PODN: variants seen among roughly 807,000 people sequenced by gnomAD.
The protein encoded by PODN is podocan proteoglycan.
In PODN, 40 loss-of-function variants were observed where a neutral mutation model predicts 52.7. That is an observed-to-expected ratio of 0.76 (90% CI 0.59 to 0.99). PODN has a LOEUF of 0.99. Ranked by LOEUF, PODN falls within the 50% of genes least tolerant of loss-of-function variation. The pLI is 0.00. For missense variants in PODN, 720 were observed against 815.1 expected (o/e 0.88, Z 1.42); for synonymous variants, 396 against 377.9 (o/e 1.05, Z -0.56).
At chr1:53,062,423 C>A in intron 1 of PODN, 115 bp downstream of exon 1, 1 of 729,142 alleles carries the variant, frequency 1.4e-6, no homozygotes, top group Non-Finnish European at 1.9e-6. Context: ...GGCGGGCCCG[C>A]CGCATCTCAC....
At chr1:53,069,438 A>G (rs2150294328) in intron 1 of PODN, among the ~76,000 whole-genome samples, 1 of 152,324 alleles carries the variant, frequency 6.6e-6, no homozygotes, top group African/African-American at 2.4e-5. Context: ...CTGGCTCACC[A>G]TGGCCTGTGG....
chr1:53,081,873 C>T (rs1451510758), intron 9 of PODN, 108 bp from the exon 10 acceptor site: 8 of 1,472,696 alleles, frequency 5.4e-6, no homozygotes, highest in East Asian at 4.7e-5. Context: ...CACCACTTTC[C>T]GGGAGGGCCA....
At chr1:53,075,577 A>G (rs1434720018) in intron 4 of PODN, among the ~76,000 whole-genome samples, 1 of 152,180 alleles carries the variant, frequency 6.6e-6, no homozygotes, top group African/African-American at 2.4e-5. Context: ...CAGGTGTAAA[A>G]GCCACACCCA....
intron 5 of PODN, 150 bp downstream of exon 5, chr1:53,076,121 G>T: frequency 1.5e-6 from 1 of 681,556 alleles, no homozygotes; most frequent in Non-Finnish European, 2.6e-6. Context: ...CCTAACAGAG[G>T]AGGACAACTC....
At chr1:53,065,653 A>G (rs1168714248) in intron 1 of PODN, among the ~76,000 whole-genome samples, 1 of 152,168 alleles carries the variant, frequency 6.6e-6, no homozygotes. Flanking sequence ...CCTGCCTTTC[A>G]GTGGTCCTCG....
At chr1:53,071,308 T>C in intron 2 of PODN, 1 of 467,908 alleles carries the variant, frequency 2.1e-6, no homozygotes, top group Non-Finnish European at 3.8e-6. Flanking sequence ...GTGGGCTCCC[T>C]GAAGGCAGGA....
intron 1 of PODN, among the ~76,000 whole-genome samples, chr1:53,067,733 TAGAG>T (rs1644053214): frequency 1.3e-5 from 2 of 151,890 alleles, no homozygotes; most frequent in Admixed American, 6.6e-5. Flanking sequence ...CCGGGCAACA[TAGAG>T]AGACCCCATC....
At chr1:53,068,870 C>T (rs1039781757) in intron 1 of PODN, among the ~76,000 whole-genome samples, 15 of 152,298 alleles carry the variant, frequency 9.8e-5, no homozygotes, top group Non-Finnish European at 1.9e-4. Flanking sequence ...GTACCCCATC[C>T]TTGCTGGACC....
chr1:53,078,487 C>G lies in PODN; in HGVS notation c.977C>G (p.Ala326Gly), dbSNP rs760511438. 6.2e-7 allele frequency: 1 copy of G among 1,613,258 alleles called. No homozygotes were observed. Among genetic ancestry groups the G allele is most frequent in the African/African-American group, 1.3e-5 (1 of 74,948 alleles). ...AAGAACGCCATCCGGAGCGTGGACG[C>G]GAATGTGCTGACCCCCATCCGCAGC... is the stretch of plus-strand genomic sequence containing the variant. ...LEKNAIRSVD[A>G]NVLTPIRSLE... The change falls in exon 8 of 11, where the codon GCG becomes GGG. Residue 326 changes from alanine (A) to glycine (G), a missense_variant. Transcript: ENST00000312553.
chr1:53,071,271 G>T, intron 2 of PODN: 1 of 370,738 alleles, frequency 2.7e-6, no homozygotes, highest in Non-Finnish European at 4.8e-6. Context: ...AGCATGTCGA[G>T]TTTGAACTGC....
chr1:53,074,490 G>A, intron 3 of PODN, 116 bp from the exon 4 acceptor site: 2 of 1,186,242 alleles, frequency 1.7e-6, no homozygotes, highest in Non-Finnish European at 2.5e-6. Flanking sequence ...GGGGATCTGA[G>A]CTGCCTCTGC....
intron 5 of PODN, 111 bp from the exon 6 acceptor site, chr1:53,077,079 G>A: frequency 1.5e-6 from 2 of 1,349,496 alleles, no homozygotes; most frequent in East Asian, 2.3e-5. Context: ...CTGTACCCTT[G>A]AGTTTGGATG....
Position 53,070,116 on chromosome 1 carries a change from G to C in PODN, c.261G>C (p.Leu87=). The part of the protein sequence containing the change: ...EGVVDCGGID[L]REFPGDLPEH... Reference sequence around the variant, plus strand: ...TCGTGGACTGTGGCGGTATTGACCTGCGTGAGTTCCCGGGGGACCTGCCTG... The same window carrying C: ...TCGTGGACTGTGGCGGTATTGACCTCCGTGAGTTCCCGGGGGACCTGCCTG... Residue 87 remains leucine (L), a synonymous_variant, in exon 2 of 11, where the codon CTG becomes CTC. Coordinates refer to ENST00000312553, the MANE Select transcript of PODN (RefSeq NM_153703.5). The C allele has an allele frequency of 6.2e-7, 1 of 1,612,238 alleles. No individual in the cohort carries two copies. Among genetic ancestry groups the C allele is most frequent in the Non-Finnish European group, 8.5e-7 (1 of 1,179,984 alleles).
At chr1:53,066,206 A>G (rs1644031505) in intron 1 of PODN, among the ~76,000 whole-genome samples, 1 of 151,972 alleles carries the variant, frequency 6.6e-6, no homozygotes, top group South Asian at 2.1e-4. Context: ...CATCTTGCCC[A>G]GGCTGGTCTC....
At chr1:53,078,095 T>C (rs760608046) in intron 7 of PODN, among the ~76,000 whole-genome samples, 1 of 152,222 alleles carries the variant, frequency 6.6e-6, no homozygotes, top group African/African-American at 2.4e-5. Flanking sequence ...TTTTCATTTT[T>C]CTAAGGGACC....
chr1:53,077,912 C>T, intron 7 of PODN, 112 bp downstream of exon 7: 1 of 790,976 alleles, frequency 1.3e-6, no homozygotes, highest in Non-Finnish European at 2.0e-6. Context: ...TGCCCACCTT[C>T]CCTGGAGAAG....
chr1:53,084,284 G>C (rs767661250), intron 10 of PODN, among the ~76,000 whole-genome samples: 72 of 151,924 alleles, frequency 4.7e-4, no homozygotes, highest in Admixed American at 1.1e-3. Flanking sequence ...TCTCAGGTCA[G>C]TTGAGTGGGG....
rs1644281936 is a variant in PODN at position 53,080,666 on chromosome 1, T to C, written c.1513-62T>C. ...ATAGGCTGGGGGCTTGGTGGGAGTTTTGTAAGCTGTTAAGTGCTTTGCACA... is the reference window on the plus strand; with the variant it reads ...ATAGGCTGGGGGCTTGGTGGGAGTTCTGTAAGCTGTTAAGTGCTTTGCACA... On this transcript the variant is annotated intron_variant, in intron 8 of 10. Transcript: ENST00000312553. 10 of 1,552,796 alleles carry C rather than the reference T, an allele frequency of 6.4e-6. No individual in the cohort carries two copies. In the South Asian group the frequency reaches 1.1e-4, roughly 17 times the overall value.
intron 5 of PODN, among the ~76,000 whole-genome samples, 195 bp downstream of exon 5, chr1:53,076,166 A>G (rs1184124112): frequency 6.6e-6 from 1 of 152,230 alleles, no homozygotes; most frequent in African/African-American, 2.4e-5. Flanking sequence ...TGTTGTCTAC[A>G]GGAATTGTGG....
Sources: allele counts gnomAD v4.1 joint callset (sites outside exome capture counted in the v4.1 genomes callset), GRCh38; gene constraint gnomAD v4.1.1; transcripts MANE v1.5; gene names NCBI Gene and HGNC (gene_info 2026-07-23, HGNC 2026-07-21).